AIMP1: variants seen among roughly 807,000 people sequenced by gnomAD.
AIMP1 encodes aminoacyl tRNA synthetase complex interacting multifunctional protein 1.
Under a neutral mutation model 33.1 loss-of-function variants are expected in AIMP1, and 24 were observed. The observed-to-expected ratio is 0.73, with a 90% CI of 0.53 to 1.02. The LOEUF is 1.02. Ranked by LOEUF, AIMP1 falls within the 50% of genes least tolerant of loss-of-function variation. The probability of loss-of-function intolerance (pLI) is 0.00; values close to 1 mark genes in which losing one functional copy is unlikely to be tolerated. For synonymous variants in AIMP1, 120 were observed against 121.5 expected (o/e 0.99, Z 0.08); for missense variants, 367 against 364.8 (o/e 1.01, Z -0.05).
intron 6 of AIMP1, among the ~76,000 whole-genome samples, chr4:106,339,950 G>T (rs994257591): frequency 1.1e-4 from 17 of 152,144 alleles, no homozygotes; most frequent in African/African-American, 4.1e-4. Flanking sequence ...AAATACTCCT[G>T]AGACAGATGA....
At chr4:106,317,051 C>A (rs567857010) in intron 1 of AIMP1, among the ~76,000 whole-genome samples, 1 of 152,120 alleles carries the variant, frequency 6.6e-6, no homozygotes, top group Non-Finnish European at 1.5e-5. Flanking sequence ...GAGAGGAAGG[C>A]ACATACTAAG....
At chr4:106,318,384 T>A (rs1211970138) in intron 1 of AIMP1, among the ~76,000 whole-genome samples, 2 of 152,152 alleles carry the variant, frequency 1.3e-5, no homozygotes, top group Non-Finnish European at 1.5e-5. Context: ...TACACTATAA[T>A]AAGGACGGTC....
chr4:106,336,776 A>T, intron 5 of AIMP1, 93 bp from the exon 6 acceptor site: 2 of 1,185,488 alleles, frequency 1.7e-6, no homozygotes, highest in Middle Eastern at 2.2e-4. Flanking sequence ...AGAACATTTG[A>T]TACTTAGCAT....
chr4:106,341,448 A>G (rs1168794346), intron 6 of AIMP1, among the ~76,000 whole-genome samples: 3 of 152,192 alleles, frequency 2.0e-5, no homozygotes, highest in Non-Finnish European at 4.4e-5. Context: ...TCTTTAATCC[A>G]TCTTGAGTTA....
intron 5 of AIMP1, among the ~76,000 whole-genome samples, 193 bp downstream of exon 5, chr4:106,332,076 A>G (rs780897667): frequency 7.9e-5 from 12 of 152,184 alleles, no homozygotes; most frequent in Admixed American, 2.6e-4. Context: ...ACATCTGTAA[A>G]TTAAGATATA....
rs932271879 is a variant in AIMP1, at chr4:106,317,566, A to T, written c.-26+972A>T. ...CCAGAGGAAGCATAATGGTGGTTTG[A>T]CTATGGGTGGTAAGAAATGGCCAGT... On this transcript the variant is annotated intron_variant, in intron 1 of 6. Coordinates refer to ENST00000672341, the MANE Select transcript of AIMP1 (RefSeq NM_001142416.2). 2.0e-5 allele frequency among the ~76,000 whole-genome samples: 3 copies of T among 152,192 alleles called. 1 individual carries two copies. In the South Asian group the frequency reaches 6.2e-4, roughly 32 times the overall value.
rs1208074564 is a variant in AIMP1 at position 106,328,184 on chromosome 4, A to G, written c.332A>G (p.Glu111Gly). Residue 111 changes from glutamate to glycine, a missense_variant, in exon 4 of 7, where the codon GAA (glutamate) becomes GGA (glycine). Glu to Gly is a moderately conservative substitution (Grantham distance 98). Transcript: ENST00000672341. ...ACAACCGTATCTTCTGGTACCAAAG[A>G]ACAGATAAAAGGAGGAACAGGAGAC... is the stretch of plus-strand genomic sequence containing the variant. ...AVTTVSSGTK[E>G]QIKGGTGDEK... 6.2e-7 allele frequency: 1 copy of G among 1,613,138 alleles called. No homozygotes were observed. The highest frequency in any genetic ancestry group is 8.5e-7 in the Non-Finnish European group (1 of 1,179,466).
intron 5 of AIMP1, among the ~76,000 whole-genome samples, chr4:106,333,917 A>G (rs73839435): frequency 0.018 from 2,773 of 152,230 alleles, 79 homozygotes; most frequent in African/African-American, 0.061. Flanking sequence ...TTTGAATACC[A>G]TATTTACTTT....
At chr4:106,337,155 C>A in intron 6 of AIMP1, 118 bp downstream of exon 6, 1 of 937,856 alleles carries the variant, frequency 1.1e-6, no homozygotes, top group Non-Finnish European at 1.7e-6. Context: ...CATTAATGAC[C>A]ATTATTAACT....
chr4:106,323,999 C>T (rs1375547642), intron 1 of AIMP1, among the ~76,000 whole-genome samples: 1 of 151,902 alleles, frequency 6.6e-6, no homozygotes, highest in Non-Finnish European at 1.5e-5. Context: ...TAGACAGTCA[C>T]CTCAAAAATA....
intron 5 of AIMP1, among the ~76,000 whole-genome samples, chr4:106,332,718 AC>A (rs1238899651): frequency 6.6e-6 from 1 of 150,590 alleles, no homozygotes; most frequent in Non-Finnish European, 1.5e-5. Flanking sequence ...ATATATATAT[AC>A]TCATTTATCT....
At chr4:106,326,968 G>A (rs1339282559) in intron 2 of AIMP1, among the ~76,000 whole-genome samples, 1 of 151,958 alleles carries the variant, frequency 6.6e-6, no homozygotes, top group Non-Finnish European at 1.5e-5. Flanking sequence ...TGTAGAGATG[G>A]GTTTTGCCAT....
intron 1 of AIMP1, among the ~76,000 whole-genome samples, chr4:106,317,420 C>G (rs959283032): frequency 3.3e-5 from 5 of 152,070 alleles, no homozygotes; most frequent in Non-Finnish European, 7.4e-5. Context: ...GACTTTGGAG[C>G]GTTTTGAGCA....
chr4:106,322,974 ACT>A (rs1285485508), intron 1 of AIMP1, among the ~76,000 whole-genome samples: 1 of 146,700 alleles, frequency 6.8e-6, no homozygotes, highest in African/African-American at 2.5e-5. Flanking sequence ...AAAAAGGAAG[ACT>A]CTGTCTCAAA....
chr4:106,331,976 C>A, intron 5 of AIMP1, 93 bp downstream of exon 5: 3 of 1,183,680 alleles, frequency 2.5e-6, no homozygotes, highest in Non-Finnish European at 3.8e-6. Context: ...GTATACCATA[C>A]AACATGTGCC....
intron 1 of AIMP1, among the ~76,000 whole-genome samples, chr4:106,318,787 T>G (rs1389227956): frequency 6.6e-5 from 10 of 152,176 alleles, no homozygotes; most frequent in African/African-American, 2.4e-5. Flanking sequence ...TTTAGAAGAT[T>G]ATGATTAGCA....
intron 6 of AIMP1, among the ~76,000 whole-genome samples, chr4:106,345,092 G>T (rs762314992): frequency 6.6e-6 from 1 of 152,116 alleles, no homozygotes; most frequent in Non-Finnish European, 1.5e-5. Context: ...TACGTGTTGT[G>T]TGTTATTATG....
chr4:106,336,053 T>C (rs925710426), intron 5 of AIMP1, among the ~76,000 whole-genome samples: 5 of 138,368 alleles, frequency 3.6e-5, no homozygotes, highest in African/African-American at 1.1e-4. Context: ...TTTTTTTTTT[T>C]TTTTTTGAGA....
chr4:106,337,137 G>T, intron 6 of AIMP1, 100 bp downstream of exon 6: 1 of 1,109,370 alleles, frequency 9.0e-7, no homozygotes, highest in South Asian at 1.3e-5. Context: ...TAAGAATCAT[G>T]AGTCTTACAT....
Sources: allele counts gnomAD v4.1 joint callset (sites outside exome capture counted in the v4.1 genomes callset), GRCh38; gene constraint gnomAD v4.1.1; transcripts MANE v1.5; gene names NCBI Gene and HGNC (gene_info 2026-07-23, HGNC 2026-07-21).